The following ASTN2 variants were observed in gnomAD, a reference collection of about 807,000 sequenced individuals.
ASTN2 encodes the protein astrotactin 2.
ASTN2 carries 54 observed loss-of-function variants against 139.8 expected under a neutral mutation model. The ratio of observed to expected loss-of-function variants is 0.39; its 90% CI spans 0.31 to 0.48. The LOEUF is 0.48. Among genes scored for constraint, ASTN2 ranks in the 20% least tolerant of loss-of-function variants. The pLI is 0.95. For synonymous variants in ASTN2, 756 were observed against 719.5 expected (o/e 1.05, Z -0.81); for missense variants, 1,565 against 1,725.1 (o/e 0.91, Z 1.64).
chr9:117,060,351 A>G (rs550081197), intron 5 of ASTN2, among the ~76,000 whole-genome samples: 13 of 59,448 alleles, frequency 2.2e-4, no homozygotes, highest in East Asian at 2.1e-3. Flanking sequence ...AGAGAGAAAG[A>G]AAGAAAGAAA....
At chr9:116,951,507 A>G (rs1342729772) in intron 10 of ASTN2, among the ~76,000 whole-genome samples, 1 of 152,138 alleles carries the variant, frequency 6.6e-6, no homozygotes, top group Non-Finnish European at 1.5e-5. Flanking sequence ...AGAGTCTACA[A>G]AGATAAAGGA....
intron 15 of ASTN2, among the ~76,000 whole-genome samples, chr9:116,726,438 C>T (rs1828626149): frequency 1.3e-5 from 2 of 152,194 alleles, no homozygotes; most frequent in African/African-American, 4.8e-5. Context: ...GAGAAAGAAG[C>T]TGGACTCAAA....
chr9:116,950,607 T>C (rs1835530098), intron 10 of ASTN2, among the ~76,000 whole-genome samples: 1 of 152,208 alleles, frequency 6.6e-6, no homozygotes, highest in South Asian at 2.1e-4. Flanking sequence ...AGTTACAGTT[T>C]GTCATGGGAA....
At position 116,892,699 on chromosome 9, in the gene ASTN2, G is replaced by A. The variant is rs546952741; in HGVS notation, c.1890-28966C>T. Among the ~76,000 whole-genome samples, 12 of 152,262 alleles carry A rather than the reference G, an allele frequency of 7.9e-5. No homozygotes were observed. The East Asian group carries it at 2.3e-3, about 29-fold the overall frequency. On this transcript the variant is annotated intron_variant, in intron 10 of 22. Coordinates refer to ENST00000313400, the MANE Select transcript of ASTN2 (RefSeq NM_001365068.1). ...TTAATCCCACTGCAGAGAGGGCACT[G>A]TAATCGTTATTTTGCTGTCTTTGAT... is the stretch of plus-strand genomic sequence containing the variant.
intron 10 of ASTN2, among the ~76,000 whole-genome samples, chr9:116,932,526 C>T (rs1834930176): frequency 6.6e-6 from 1 of 152,140 alleles, no homozygotes; most frequent in African/African-American, 2.4e-5. Flanking sequence ...CTACATTCTG[C>T]TGCTCTTCCC....
chr9:116,674,322 G>A (rs753227527), intron 16 of ASTN2, among the ~76,000 whole-genome samples: 101 of 152,230 alleles, frequency 6.6e-4, no homozygotes, highest in Admixed American at 9.2e-4. Flanking sequence ...TTCAGTGAAA[G>A]AGAGGCTACA....
intron 4 of ASTN2, among the ~76,000 whole-genome samples, chr9:117,134,652 C>A (rs1219304396): frequency 6.6e-6 from 1 of 152,088 alleles, no homozygotes; most frequent in African/African-American, 2.4e-5. Context: ...CAAACTTTCT[C>A]TTTATTTAAT....
At chr9:117,077,765 C>A (rs938759312) in intron 5 of ASTN2, among the ~76,000 whole-genome samples, 3 of 151,966 alleles carry the variant, frequency 2.0e-5, no homozygotes, top group Non-Finnish European at 4.4e-5. Flanking sequence ...ACAACAACAA[C>A]AAAACAAAAA....
chr9:117,060,253 G>T (rs897643368), intron 5 of ASTN2, among the ~76,000 whole-genome samples: 2 of 150,394 alleles, frequency 1.3e-5, no homozygotes. Flanking sequence ...GGAGTTTACA[G>T]TGGGCCAAGA....
intron 20 of ASTN2, among the ~76,000 whole-genome samples, chr9:116,454,790 C>G (rs574457314): frequency 2.0e-4 from 30 of 152,210 alleles, no homozygotes; most frequent in Middle Eastern, 3.4e-3. Flanking sequence ...ATCGCAAGGA[C>G]AGAAAACCAA....
chr9:116,634,510 A>T (rs2131873411), intron 17 of ASTN2, among the ~76,000 whole-genome samples: 1 of 149,452 alleles, frequency 6.7e-6, no homozygotes, highest in South Asian at 2.1e-4. Flanking sequence ...GAATGGCGTG[A>T]ACCCGGGAGG....
At chr9:117,364,288 G>A (rs1258593834) in intron 1 of ASTN2, among the ~76,000 whole-genome samples, 1 of 152,138 alleles carries the variant, frequency 6.6e-6, no homozygotes, top group Non-Finnish European at 1.5e-5. Context: ...CTCTACCCAA[G>A]CATCAACCCA....
intron 2 of ASTN2, among the ~76,000 whole-genome samples, chr9:117,235,929 A>G (rs1195345688): frequency 6.6e-6 from 1 of 152,232 alleles, no homozygotes; most frequent in African/African-American, 2.4e-5. Context: ...AGATGAGGAA[A>G]GTGAATCTCA....
chr9:117,010,952 A>C (rs982856586), intron 6 of ASTN2, among the ~76,000 whole-genome samples: 1 of 152,292 alleles, frequency 6.6e-6, no homozygotes, highest in South Asian at 2.1e-4. Context: ...TCCCTTTCAA[A>C]GGAAGGCATT....
chr9:116,964,256 T>TGTGTGTGCGCGCGCGC (rs1491183340), intron 10 of ASTN2, among the ~76,000 whole-genome samples: 2 of 98,868 alleles, frequency 2.0e-5, no homozygotes, highest in African/African-American at 6.5e-5. Flanking sequence ...TGTGTGTGTG[T>TGTGTGTGCGCGCGCGC]GCGCGCGCGC....
chr9:116,646,325 C>A (rs1588136159), intron 17 of ASTN2, among the ~76,000 whole-genome samples: 2 of 151,428 alleles, frequency 1.3e-5, no homozygotes, highest in South Asian at 4.1e-4. Context: ...CTTGCTATGA[C>A]CTGCTATGTC....
intron 20 of ASTN2, among the ~76,000 whole-genome samples, chr9:116,459,586 T>C (rs1481539941): frequency 6.6e-6 from 1 of 151,934 alleles, no homozygotes; most frequent in Non-Finnish European, 1.5e-5. Flanking sequence ...AATTTAAAAA[T>C]GGACAAAAGA....
chr9:116,861,148 C>T (rs1252833270), intron 11 of ASTN2, among the ~76,000 whole-genome samples: 1 of 151,740 alleles, frequency 6.6e-6, no homozygotes, highest in Non-Finnish European at 1.5e-5. Flanking sequence ...AATGTTCTTT[C>T]TCTTTCTCTC....
At chr9:117,273,600 G>A (rs986898627) in intron 2 of ASTN2, among the ~76,000 whole-genome samples, 1 of 152,114 alleles carries the variant, frequency 6.6e-6, no homozygotes, top group Non-Finnish European at 1.5e-5. Flanking sequence ...CCAAAAAGAC[G>A]GGGCCATGCA....
Sources: gnomAD v4.1 joint callset for allele counts (sites outside exome capture counted in the v4.1 genomes callset) on GRCh38, gnomAD v4.1.1 for gene constraint, MANE v1.5 for transcripts, NCBI Gene and HGNC (gene_info 2026-07-23, HGNC 2026-07-21) for gene names.